BEND3: variants seen among roughly 807,000 people sequenced by gnomAD.
BEND3 encodes the protein BEN domain-containing protein 3.
Under a neutral mutation model 60.1 loss-of-function variants are expected in BEND3, and 13 were observed. That is an observed-to-expected ratio of 0.22 (90% confidence interval 0.14 to 0.34). The LOEUF (loss-of-function observed/expected upper bound fraction) is 0.34. BEND3 is among the 10% of genes least tolerant of loss of function. BEND3 has a pLI of 1.00. For missense variants in BEND3, 896 were observed against 1,138.1 expected, an observed-to-expected ratio of 0.79 and a Z score of 3.06; for synonymous variants, 497 against 491.5, an observed-to-expected ratio of 1.01 and a Z score of -0.15.
chr6:107,114,392 G>A (rs1477028219), intron 1 of BEND3: 1 of 152,042 alleles, frequency 6.6e-6, no homozygotes, highest in African/African-American at 2.4e-5. Context: ...CCGTGGAACG[G>A]CCGGGAAGGG....
Position 107,070,941 on chromosome 6 carries a change from C to G in BEND3, c.250G>C (p.Ala84Pro), listed in dbSNP as rs782556553. 6.2e-7 allele frequency: 1 copy of G among 1,604,164 alleles called. No homozygotes were observed. Among genetic ancestry groups the G allele is most frequent in the South Asian group, 1.1e-5 (1 of 90,132 alleles). The change falls in exon 4 of 4, where the codon GCA becomes CCA. Residue 84 changes from alanine (A) to proline (P), a missense_variant. Ala to Pro is a conservative substitution (Grantham distance 27, BLOSUM62 -1). This residue lies in a region of BEND3 where 846 missense variants were observed against 1,036.7 expected (regional missense o/e 0.82). Transcript: ENST00000369042. This position sits in a 1 kb window ranked among gnomAD's most constrained non-coding sequence, Gnocchi z 6.9. The part of the protein sequence containing the change: ...RRRLIPEALL[A>P]GMRNRENSSP... ...CTGTTCTCACGGTTCCGCATGCCTG[C>G]TAGGAGAGCCTGCAAAACAAAAATC...
intron 1 of BEND3, among the ~76,000 whole-genome samples, chr6:107,100,555 T>C (rs1340418911): frequency 6.6e-6 from 1 of 152,042 alleles, no homozygotes; most frequent in Non-Finnish European, 1.5e-5. Context: ...GTGTGAGCCA[T>C]TGTGCCCAGC....
chr6:107,071,514 G>A (rs1554232075), intron 3 of BEND3, among the ~76,000 whole-genome samples: 1 of 152,180 alleles, frequency 6.6e-6, no homozygotes, highest in Non-Finnish European at 1.5e-5. Flanking sequence ...CCTGAGAACT[G>A]GGCTGTGGAG....
chr6:107,112,386 AAATGT>A (rs1770124675), intron 1 of BEND3, among the ~76,000 whole-genome samples: 1 of 152,208 alleles, frequency 6.6e-6, no homozygotes. Context: ...GATGTAAAGA[AAATGT>A]GTCAATATGG....
At chr6:107,090,927 T>C (rs782013478) in intron 3 of BEND3, among the ~76,000 whole-genome samples, 4 of 152,076 alleles carry the variant, frequency 2.6e-5, no homozygotes, top group Middle Eastern at 3.4e-3. Context: ...CTGGTCAACA[T>C]GGCAAAACCC....
rs139362962 is a variant in BEND3, at chr6:107,108,148, G to C, written c.-12+6942C>G. On this transcript the variant is annotated intron_variant, in intron 1 of 3. Coordinates refer to ENST00000369042, the MANE Select transcript of BEND3 (RefSeq NM_001367314.1). The stretch of plus-strand genomic sequence containing the variant: ...TTTTCCCCAGAGTTTTTCTAAAGCT[G>C]TAATTGTAGCTGCCTTCCTTATTCA... Among the ~76,000 whole-genome samples the C allele has an allele frequency of 4.9e-3, 753 of 152,348 alleles. 2 individuals are homozygous for C. The highest frequency in any genetic ancestry group is 7.2e-3 in the Non-Finnish European group (490 of 68,042).
chr6:107,095,090 A>T (rs781863213), intron 3 of BEND3, among the ~76,000 whole-genome samples: 46 of 152,094 alleles, frequency 3.0e-4, no homozygotes, highest in Admixed American at 3.3e-4. Context: ...CCCAAGATGC[A>T]AGGATTACAG....
Position 107,069,976 on chromosome 6 carries a change from G to A in BEND3, c.1215C>T (p.Ser405=), listed in dbSNP as rs200637923. The A allele has an allele frequency of 3.7e-5, 60 of 1,613,476 alleles. No homozygotes were observed. Among genetic ancestry groups the A allele is most frequent in the Admixed American group, 2.2e-4 (13 of 59,980 alleles). Reference sequence around the variant, plus strand: ...GGAAGACGGCAAACTCGCCTGGTGAGGAGGCTTCGTCCAGGAACTCAGTGA... The same window carrying A: ...GGAAGACGGCAAACTCGCCTGGTGAAGAGGCTTCGTCCAGGAACTCAGTGA... ...QDLTEFLDEA[S]SPGEFAVFLL... Residue 405 remains serine (S), a synonymous_variant, in exon 4 of 4, where the codon TCC becomes TCT. Transcript: ENST00000369042.
In BEND3 at chr6:107,068,784, G is replaced by A; in HGVS notation, c.2407C>T (p.Pro803Ser). The A allele has an allele frequency of 1.2e-6, 2 of 1,614,098 alleles. No homozygotes were observed. The highest frequency in any genetic ancestry group is 1.7e-6 in the Non-Finnish European group (2 of 1,180,038). Residue 803 changes from proline (P) to serine (S), a missense_variant, in exon 4 of 4, where the codon CCC becomes TCC. Transcript: ENST00000369042. The surrounding 1 kb of genome is among the most constrained non-coding windows in gnomAD (Gnocchi z 5.8). ...CGGCGGCACCTCTCATCGATGCTGG[G>A]GATACATTCGTAGTGCCACACCTCC... The part of the protein sequence containing the change: ...MEEVWHYECI[P>S]SIDERCRRPN...
chr6:107,076,779 C>T (rs1333827081), intron 3 of BEND3, among the ~76,000 whole-genome samples: 3 of 152,260 alleles, frequency 2.0e-5, no homozygotes, highest in East Asian at 3.9e-4. Context: ...GAATCACAGT[C>T]GCATGAATGA....
intron 3 of BEND3, among the ~76,000 whole-genome samples, chr6:107,089,569 C>G (rs538896259): frequency 0.023 from 3,273 of 145,354 alleles, 51 homozygotes; most frequent in Non-Finnish European, 0.039. Context: ...CTGGGCGACA[C>G]AGCGAGACTC....
At chr6:107,073,050 T>C (rs1554232270) in intron 3 of BEND3, among the ~76,000 whole-genome samples, 1 of 151,356 alleles carries the variant, frequency 6.6e-6, no homozygotes, top group East Asian at 1.9e-4. Flanking sequence ...ATCTGACTCA[T>C]ATTAGAGAAA....
chr6:107,082,236 G>A (rs183988120), intron 3 of BEND3, among the ~76,000 whole-genome samples: 26 of 152,206 alleles, frequency 1.7e-4, no homozygotes, highest in South Asian at 4.1e-4. Context: ...TGTCATGTGA[G>A]TAAGCCTGGA....
intron 3 of BEND3, among the ~76,000 whole-genome samples, chr6:107,089,197 A>AT (rs1775419381): frequency 6.6e-6 from 1 of 152,228 alleles, no homozygotes; most frequent in African/African-American, 2.4e-5. Context: ...TCATGTGAGA[A>AT]ATTGAAGAAG....
intron 1 of BEND3, among the ~76,000 whole-genome samples, chr6:107,108,803 G>C (rs528222575): frequency 6.6e-4 from 101 of 152,092 alleles, no homozygotes; most frequent in Non-Finnish European, 1.3e-3. Context: ...AAATTAAGAG[G>C]GTTGATTGAT....
At chr6:107,092,254 CA>C (rs34817923) in intron 3 of BEND3, among the ~76,000 whole-genome samples, 96 of 139,978 alleles carry the variant, frequency 6.9e-4, no homozygotes, top group Middle Eastern at 3.6e-3. Context: ...GACTCTGTCT[CA>C]AAAAAAAAAA....
At position 107,069,934 on chromosome 6, in the gene BEND3, G is replaced by T; in HGVS notation, c.1257C>A (p.Phe419Leu). Residue 419 changes from phenylalanine (F) to leucine (L), a missense_variant, in exon 4 of 4, where the codon TTC becomes TTA. Phe to Leu is a conservative substitution (Grantham distance 22). This residue lies in a region of BEND3 where 846 missense variants were observed against 1,036.7 expected (regional missense o/e 0.82). Transcript: ENST00000369042. ...EFAVFLLHRL[F>L]PELFDHRKLG... ...GCTTGCGGTGGTCGAAGAGCTCGGG[G>T]AAGAGCCGGTGGAGGAGGAAGACGG... 6.2e-7 allele frequency: 1 copy of T among 1,613,926 alleles called. No individual in the cohort carries two copies. The highest frequency in any genetic ancestry group is 8.5e-7 in the Non-Finnish European group (1 of 1,180,038).
Position 107,070,949 on chromosome 6 carries a change from GCCTGC to G in BEND3, c.241-4_241del, listed in dbSNP as rs1554231993. 1 of 1,601,686 alleles carries G rather than the reference GCCTGC, an allele frequency of 6.2e-7. No individual in the cohort carries two copies. The highest frequency in any genetic ancestry group is 1.3e-5 in the African/African-American group (1 of 74,556). On this transcript the variant is annotated splice_acceptor_variant and splice_polypyrimidine_tract_variant and coding_sequence_variant and intron_variant, in exon 4 of 4. Transcript: ENST00000369042. LOFTEE classifies it high-confidence loss of function. The surrounding 1 kb of genome is among the most constrained non-coding windows in gnomAD (Gnocchi z 6.9). ...ACGGTTCCGCATGCCTGCTAGGAGA[GCCTGC>G]AAAACAAAAATCATTTCCCAGAGTG...
intron 3 of BEND3, among the ~76,000 whole-genome samples, chr6:107,096,822 C>T (rs1244607565): frequency 6.6e-5 from 10 of 151,862 alleles, no homozygotes; most frequent in African/African-American, 9.7e-5. Flanking sequence ...GGGCTGAGCG[C>T]GGTGACTCAT....
Sources: gnomAD v4.1 joint callset for allele counts (sites outside exome capture counted in the v4.1 genomes callset) on GRCh38, gnomAD v4.1.1 for gene constraint, gnomAD v4.1.1 regional missense constraint, Gnocchi (gnomAD v3.1) non-coding constraint, MANE v1.5 for transcripts, NCBI Gene and HGNC (gene_info 2026-07-23, HGNC 2026-07-21) for gene names.